PTPRD: variants seen among roughly 807,000 people sequenced by gnomAD.
The protein encoded by PTPRD is protein tyrosine phosphatase receptor type D.
PTPRD carries 34 observed loss-of-function variants against 214.5 expected under a neutral mutation model. The ratio of observed to expected loss-of-function variants is 0.16; its 90% CI spans 0.12 to 0.21. PTPRD has a LOEUF of 0.21. Ranked by LOEUF, PTPRD falls within the 10% of genes least tolerant of loss-of-function variation. The pLI is 1.00. For missense variants in PTPRD, 2,545 were observed against 2,398.7 expected (o/e 1.06, Z -1.27); for synonymous variants, 1,128 against 845.7 (o/e 1.33, Z -5.79).
intron 8 of PTPRD, among the ~76,000 whole-genome samples, chr9:9,405,761 T>C (rs1037567348): frequency 3.3e-5 from 5 of 152,068 alleles, no homozygotes; most frequent in African/African-American, 1.2e-4. Flanking sequence ...TAACAAAATG[T>C]ATTTTCCCCC....
At chr9:9,610,743 T>C (rs1344543988) in intron 7 of PTPRD, among the ~76,000 whole-genome samples, 6 of 152,284 alleles carry the variant, frequency 3.9e-5, no homozygotes, top group Non-Finnish European at 8.8e-5. Flanking sequence ...CTTTTTTTAA[T>C]CATAAAAGTA....
At chr9:10,086,242 T>A (rs999377554) in intron 3 of PTPRD, among the ~76,000 whole-genome samples, 2 of 151,830 alleles carry the variant, frequency 1.3e-5, no homozygotes, top group African/African-American at 4.8e-5. Context: ...TATTTGCAAT[T>A]TTAGATGTGA....
chr9:8,671,382 T>C (rs538889183), intron 12 of PTPRD, among the ~76,000 whole-genome samples: 3 of 152,040 alleles, frequency 2.0e-5, no homozygotes, highest in Admixed American at 1.3e-4. Context: ...AAAGTAACAA[T>C]GGTAGGAAAT....
At chr9:8,940,107 G>A (rs1343615177) in intron 11 of PTPRD, among the ~76,000 whole-genome samples, 4 of 151,168 alleles carry the variant, frequency 2.6e-5, no homozygotes, top group Non-Finnish European at 5.9e-5. Flanking sequence ...GAAGGCAAAG[G>A]TTTTCAGACT....
intron 2 of PTPRD, among the ~76,000 whole-genome samples, chr9:10,486,008 A>G (rs9406407): frequency 0.29 from 42,911 of 148,882 alleles, 7,092 homozygotes; most frequent in African/African-American, 0.45. Context: ...GTCTGTTCAC[A>G]TCTTTTTCCC....
intron 5 of PTPRD, among the ~76,000 whole-genome samples, chr9:9,779,430 G>C (rs915215081): frequency 6.6e-6 from 1 of 152,144 alleles, no homozygotes; most frequent in Non-Finnish European, 1.5e-5. Context: ...TGCAGAATGG[G>C]AGGAAATATT....
At chr9:10,599,269 CTGTTAAA>C (rs1411444606) in intron 2 of PTPRD, among the ~76,000 whole-genome samples, 1 of 151,682 alleles carries the variant, frequency 6.6e-6, no homozygotes, top group Non-Finnish European at 1.5e-5. Flanking sequence ...CACCTTACGA[CTGTTAAA>C]TGATTATAAT....
intron 9 of PTPRD, among the ~76,000 whole-genome samples, chr9:9,394,417 T>C (rs2066983039): frequency 6.6e-6 from 1 of 152,190 alleles, no homozygotes; most frequent in Non-Finnish European, 1.5e-5. Flanking sequence ...GTTGAATACA[T>C]GGATCAATTC....
intron 11 of PTPRD, among the ~76,000 whole-genome samples, chr9:8,957,812 G>T (rs111338059): frequency 5.3e-5 from 8 of 151,724 alleles, no homozygotes; most frequent in African/African-American, 1.9e-4. Context: ...CAAGTGCTGG[G>T]AAGTGCTGTC....
chr9:9,101,420 C>T (rs1013226997), intron 10 of PTPRD, among the ~76,000 whole-genome samples: 5 of 152,150 alleles, frequency 3.3e-5, no homozygotes, highest in Non-Finnish European at 7.4e-5. Context: ...TGTACAGATA[C>T]GATTAGCATC....
intron 39 of PTPRD, among the ~76,000 whole-genome samples, chr9:8,349,396 C>T (rs1406451215): frequency 1.3e-5 from 2 of 151,928 alleles, no homozygotes; most frequent in East Asian, 3.9e-4. Context: ...TTTTTTTGTT[C>T]ACCCATCAGT....
At chr9:9,949,613 C>T (rs1414926060) in intron 4 of PTPRD, among the ~76,000 whole-genome samples, 2 of 152,134 alleles carry the variant, frequency 1.3e-5, no homozygotes, top group East Asian at 1.9e-4. Flanking sequence ...TACATCCAGG[C>T]TCCTAGTCCT....
rs1457314946 is a variant in PTPRD, at chr9:9,797,651, G to C, written c.-367-30800C>G. Among the ~76,000 whole-genome samples, 9 of 151,796 alleles carry C rather than the reference G, an allele frequency of 5.9e-5. No individual in the cohort carries two copies. The East Asian group carries it at 1.6e-3, about 26-fold the overall frequency. ...GCCTGAGGTCAGGAGTTCAAGTCCAGCCTGACCAATATGGTGAAACCCTGT... is the reference window on the plus strand; with the variant it reads ...GCCTGAGGTCAGGAGTTCAAGTCCACCCTGACCAATATGGTGAAACCCTGT... On this transcript the variant is annotated intron_variant, in intron 5 of 45. Coordinates refer to ENST00000381196, the MANE Select transcript of PTPRD (RefSeq NM_002839.4).
intron 6 of PTPRD, among the ~76,000 whole-genome samples, chr9:9,761,717 T>C (rs564582167): frequency 6.6e-6 from 1 of 152,142 alleles, no homozygotes; most frequent in South Asian, 2.1e-4. Context: ...ATTATCTCAA[T>C]AAAAATTTCG....
At chr9:9,692,360 C>T (rs988024371) in intron 7 of PTPRD, among the ~76,000 whole-genome samples, 13 of 151,952 alleles carry the variant, frequency 8.6e-5, no homozygotes, top group African/African-American at 2.7e-4. Flanking sequence ...TCCAGTATTC[C>T]CAGCACCATT....
chr9:10,542,981 C>A (rs2059445998), intron 2 of PTPRD, among the ~76,000 whole-genome samples: 1 of 152,060 alleles, frequency 6.6e-6, no homozygotes, highest in South Asian at 2.1e-4. Context: ...GAACTCCCAA[C>A]CTCAGGTGAT....
chr9:10,434,283 G>A (rs1175069502), intron 2 of PTPRD, among the ~76,000 whole-genome samples: 1 of 151,668 alleles, frequency 6.6e-6, no homozygotes, highest in African/African-American at 2.4e-5. Flanking sequence ...ATAATGAAAA[G>A]GTACCTCAAG....
intron 27 of PTPRD, among the ~76,000 whole-genome samples, chr9:8,489,469 A>C (rs982826164): frequency 3.3e-5 from 5 of 152,170 alleles, no homozygotes; most frequent in Non-Finnish European, 7.3e-5. Context: ...CCTGAAAACT[A>C]TGAGACAACC....
Position 10,518,958 on chromosome 9 carries a change from CT to C in PTPRD, c.-600+93439del, listed in dbSNP as rs559177348. On this transcript the variant is annotated intron_variant, in intron 2 of 45. Coordinates refer to ENST00000381196, the MANE Select transcript of PTPRD (RefSeq NM_002839.4). The stretch of plus-strand genomic sequence containing the variant: ...GGCAAGAAGATGCCATGCTAATTTT[CT>C]TTTTCTGGGTAGATTATTTTTTTAA... Among the ~76,000 whole-genome samples the C allele has an allele frequency of 1.9e-3, 291 of 151,762 alleles. 1 individual carries two copies. Among genetic ancestry groups the C allele is most frequent in the African/African-American group, 6.8e-3 (280 of 41,412 alleles).
Sources: allele counts gnomAD v4.1 joint callset (sites outside exome capture counted in the v4.1 genomes callset), GRCh38; gene constraint gnomAD v4.1.1; transcripts MANE v1.5; gene names NCBI Gene and HGNC (gene_info 2026-07-23, HGNC 2026-07-21).